ELOVL5: variants seen among roughly 807,000 people sequenced by gnomAD.
ELOVL5 encodes the protein ELOVL fatty acid elongase 5.
In ELOVL5, 8 loss-of-function variants were observed where a neutral mutation model predicts 38.6. The observed-to-expected ratio is 0.21, with a 90% CI of 0.12 to 0.37. ELOVL5 has a LOEUF of 0.37. ELOVL5 is among the 10% of genes least tolerant of loss of function. The probability of loss-of-function intolerance (pLI) is 1.00; values close to 1 mark genes in which losing one functional copy is unlikely to be tolerated. For missense variants in ELOVL5, 280 were observed against 367.8 expected (o/e 0.76, Z 1.95); for synonymous variants, 127 against 133.7 (o/e 0.95, Z 0.34).
intron 1 of ELOVL5, among the ~76,000 whole-genome samples, chr6:53,299,123 A>G (rs1767143040): frequency 1.3e-5 from 2 of 152,216 alleles, no homozygotes; most frequent in African/African-American, 4.8e-5. Flanking sequence ...AAGGATCCAG[A>G]TATAGTAAAG....
At chr6:53,318,559 C>A (rs1382031352) in intron 1 of ELOVL5, among the ~76,000 whole-genome samples, 1 of 152,148 alleles carries the variant, frequency 6.6e-6, no homozygotes, top group African/African-American at 2.4e-5. Flanking sequence ...AACGGTGAGA[C>A]CCCGCCCCAT....
chr6:53,337,955 A>C (rs567464445), intron 1 of ELOVL5, among the ~76,000 whole-genome samples: 1 of 152,230 alleles, frequency 6.6e-6, no homozygotes, highest in Non-Finnish European at 1.5e-5. Context: ...TTCCAGCTTA[A>C]TGGCTTGGGC....
At chr6:53,285,195 G>A (rs1220550517) in intron 3 of ELOVL5, among the ~76,000 whole-genome samples, 2 of 152,312 alleles carry the variant, frequency 1.3e-5, no homozygotes, top group East Asian at 1.9e-4. Context: ...GAATGCAAAG[G>A]AAAAGTTACT....
At chr6:53,326,820 GA>G (rs901744363) in intron 1 of ELOVL5, among the ~76,000 whole-genome samples, 1 of 152,112 alleles carries the variant, frequency 6.6e-6, no homozygotes, top group Non-Finnish European at 1.5e-5. Context: ...CGAGAAAGCA[GA>G]AAAAAACCCA....
At chr6:53,327,072 A>C (rs1362072696) in intron 1 of ELOVL5, among the ~76,000 whole-genome samples, 1 of 152,062 alleles carries the variant, frequency 6.6e-6, no homozygotes, top group Non-Finnish European at 1.5e-5. Context: ...TAGGACCCCA[A>C]ATGGACCCAA....
At chr6:53,334,527 C>T (rs1768960773) in intron 1 of ELOVL5, among the ~76,000 whole-genome samples, 1 of 152,122 alleles carries the variant, frequency 6.6e-6, no homozygotes, top group South Asian at 2.1e-4. Context: ...CTGGAAAAAT[C>T]TCTTAATTCT....
chr6:53,271,978 T>C (rs1765947248), intron 6 of ELOVL5, among the ~76,000 whole-genome samples: 1 of 152,178 alleles, frequency 6.6e-6, no homozygotes, highest in Admixed American at 6.5e-5. Flanking sequence ...TCCTCAAGTA[T>C]AACAAGGAGG....
Position 53,291,664 on chromosome 6 carries a change from C to T in ELOVL5, c.246+112G>A, listed in dbSNP as rs80236022. The T allele has an allele frequency of 3.5e-3, 2,565 of 737,644 alleles. 56 individuals are homozygous for T. In the African/African-American group the frequency reaches 0.039, roughly 11 times the overall value. The allele number at this position is 737,644 out of a possible 1,614,324, so 45.7% of individuals were successfully genotyped here. On this transcript the variant is annotated intron_variant, in intron 3 of 7. Transcript: ENST00000304434. Reference sequence around the variant, plus strand: ...ATAACGCATTAAGATACTTGCTTGCCCAGTTGTCTCTACACCCCAAGCGGC... The same window carrying T: ...ATAACGCATTAAGATACTTGCTTGCTCAGTTGTCTCTACACCCCAAGCGGC...
In ELOVL5 at chr6:53,268,257, T is replaced by G. The variant is rs1765806073; in HGVS notation, c.*870A>C. On this transcript the variant is annotated 3_prime_UTR_variant, in exon 8 of 8. Transcript: ENST00000304434. ...AGGCAATCATCTCTCTTGAAAAGTATACATCCTCTCTCGCACTGGTGGAAA... is the reference window on the plus strand; with the variant it reads ...AGGCAATCATCTCTCTTGAAAAGTAGACATCCTCTCTCGCACTGGTGGAAA... 1 of 152,222 alleles carries G rather than the reference T, an allele frequency of 6.6e-6. No homozygotes were observed. Among genetic ancestry groups the G allele is most frequent in the South Asian group, 2.1e-4 (1 of 4,834 alleles). The allele number at this position is 152,222 out of a possible 1,614,324, so 9.4% of individuals were successfully genotyped here. A position where few individuals can be genotyped will look rare whatever the true frequency, so the allele number is the denominator to read the frequency against.
At chr6:53,300,523 G>C (rs1265958141) in intron 1 of ELOVL5, among the ~76,000 whole-genome samples, 1 of 152,170 alleles carries the variant, frequency 6.6e-6, no homozygotes, top group South Asian at 2.1e-4. Flanking sequence ...ATTTATTTTG[G>C]AAAACATAGA....
At chr6:53,339,492 A>C (rs1280351693) in intron 1 of ELOVL5, among the ~76,000 whole-genome samples, 1 of 152,244 alleles carries the variant, frequency 6.6e-6, no homozygotes, top group East Asian at 1.9e-4. Flanking sequence ...ACTTAATGTC[A>C]TTCTCTATCA....
At chr6:53,340,841 C>A (rs1230136557) in intron 1 of ELOVL5, among the ~76,000 whole-genome samples, 1 of 152,168 alleles carries the variant, frequency 6.6e-6, no homozygotes, top group Non-Finnish European at 1.5e-5. Context: ...GACTTGTACA[C>A]CTGACTTACA....
At chr6:53,315,791 A>C (rs1219861965) in intron 1 of ELOVL5, among the ~76,000 whole-genome samples, 1 of 152,218 alleles carries the variant, frequency 6.6e-6, no homozygotes, top group Non-Finnish European at 1.5e-5. Flanking sequence ...CCTAGCTGTC[A>C]GTGGAGGACA....
At chr6:53,330,460 T>A (rs1453990495) in intron 1 of ELOVL5, among the ~76,000 whole-genome samples, 1 of 151,842 alleles carries the variant, frequency 6.6e-6, no homozygotes, top group Non-Finnish European at 1.5e-5. Flanking sequence ...TTTAAAATTT[T>A]TTCTTCCTCA....
At chr6:53,341,794 CAG>C (rs1335646294) in intron 1 of ELOVL5, among the ~76,000 whole-genome samples, 8 of 152,164 alleles carry the variant, frequency 5.3e-5, no homozygotes, top group Admixed American at 1.3e-4. Context: ...TCCTATATAA[CAG>C]AGAGACGTTT....
At chr6:53,304,757 C>A (rs1329697016) in intron 1 of ELOVL5, among the ~76,000 whole-genome samples, 1 of 152,232 alleles carries the variant, frequency 6.6e-6, no homozygotes, top group African/African-American at 2.4e-5. Context: ...GGTCACAGAT[C>A]AACAGGATCC....
intron 7 of ELOVL5, among the ~76,000 whole-genome samples, chr6:53,270,320 G>C (rs1765874435): frequency 1.3e-5 from 2 of 152,226 alleles, no homozygotes; most frequent in Admixed American, 6.5e-5. Context: ...TCTGCTGCAG[G>C]TCAGAGGGAA....
rs767556502 is a variant in ELOVL5 at position 53,275,075 on chromosome 6, G to A, written c.496+15C>T. The A allele has an allele frequency of 2.6e-5, 42 of 1,611,708 alleles. No individual in the cohort carries two copies. The highest frequency in any genetic ancestry group is 2.5e-4 in the Admixed American group (15 of 59,878). ...GCTCACACCTGTTCCCCAAGTCCCC[G>A]TCTCTAATACTTACAGTGGCCGCAG... On this transcript the variant is annotated intron_variant, in intron 5 of 7. Coordinates refer to ENST00000304434, the MANE Select transcript of ELOVL5 (RefSeq NM_021814.5).
rs901991896 is a variant in ELOVL5 at position 53,268,309 on chromosome 6, T to C, written c.*818A>G. On this transcript the variant is annotated 3_prime_UTR_variant, in exon 8 of 8. Transcript: ENST00000304434. The stretch of plus-strand genomic sequence containing the variant: ...CAAAATTGACTTTTTGTTTGCTGTA[T>C]AAAAACACTTAGCACTTCAGAAATT... 5 of 152,150 alleles carry C rather than the reference T, an allele frequency of 3.3e-5. No homozygotes were observed. The highest frequency in any genetic ancestry group is 7.3e-5 in the Non-Finnish European group (5 of 68,028). 9.4% of individuals were successfully genotyped at this position (152,150 alleles called of 1,614,324 possible).
Sources: allele counts gnomAD v4.1 joint callset (sites outside exome capture counted in the v4.1 genomes callset), GRCh38; gene constraint gnomAD v4.1.1; transcripts MANE v1.5; gene names NCBI Gene and HGNC (gene_info 2026-07-23, HGNC 2026-07-21).